NRG3: variants seen among roughly 807,000 people sequenced by gnomAD.
NRG3 encodes pro-neuregulin-3, membrane-bound isoform.
Under a neutral mutation model 66.9 loss-of-function variants are expected in NRG3, and 31 were observed. The ratio of observed to expected loss-of-function variants is 0.46; its 90% CI spans 0.35 to 0.63. The LOEUF is 0.63. Among genes scored for constraint, NRG3 ranks in the 20% least tolerant of loss-of-function variants. The probability of loss-of-function intolerance (pLI) is 0.00; values close to 1 mark genes in which losing one functional copy is unlikely to be tolerated. For missense variants in NRG3, 910 were observed against 878.9 expected, an observed-to-expected ratio of 1.04 and a Z score of -0.45; for synonymous variants, 393 against 359.4, an observed-to-expected ratio of 1.09 and a Z score of -1.06.
intron 5 of NRG3, among the ~76,000 whole-genome samples, chr10:82,957,562 C>A (rs1269137416): frequency 6.6e-6 from 1 of 151,874 alleles, no homozygotes; most frequent in African/African-American, 2.4e-5. Context: ...TAGGCAAATG[C>A]CTGATTACAA....
At chr10:82,864,985 C>CTTAAT (rs1399999515) in intron 3 of NRG3, among the ~76,000 whole-genome samples, 1 of 152,098 alleles carries the variant, frequency 6.6e-6, no homozygotes, top group Non-Finnish European at 1.5e-5. Flanking sequence ...AAATTCCTTG[C>CTTAAT]TTATTCACTT....
chr10:82,400,158 G>T (rs998111105), intron 2 of NRG3, among the ~76,000 whole-genome samples: 2 of 152,078 alleles, frequency 1.3e-5, no homozygotes, highest in Non-Finnish European at 2.9e-5. Context: ...GCAGTTCAGA[G>T]AATTTAAGTG....
intron 2 of NRG3, among the ~76,000 whole-genome samples, chr10:82,557,461 C>T (rs1275284632): frequency 1.3e-5 from 2 of 151,832 alleles, no homozygotes; most frequent in Non-Finnish European, 2.9e-5. Flanking sequence ...TTTTCATATC[C>T]TCTGCTCACT....
intron 2 of NRG3, among the ~76,000 whole-genome samples, chr10:82,473,807 C>T (rs901132802): frequency 3.4e-4 from 51 of 152,026 alleles, no homozygotes; most frequent in African/African-American, 1.2e-3. Context: ...CTAGATTTGA[C>T]CGCAGTCTGA....
chr10:82,363,261 A>G (rs985658330), intron 2 of NRG3, among the ~76,000 whole-genome samples: 2 of 152,222 alleles, frequency 1.3e-5, no homozygotes, highest in African/African-American at 4.8e-5. Flanking sequence ...CCTCACAGAG[A>G]AATGCAAATT....
intron 8 of NRG3, among the ~76,000 whole-genome samples, chr10:82,980,286 A>AT (rs2132659326): frequency 6.6e-6 from 1 of 152,326 alleles, no homozygotes; most frequent in South Asian, 2.1e-4. Flanking sequence ...TTTAAAAATT[A>AT]TGTGTGTAAA....
intron 3 of NRG3, among the ~76,000 whole-genome samples, chr10:82,754,876 A>G (rs2059017079): frequency 6.6e-6 from 1 of 152,154 alleles, no homozygotes; most frequent in South Asian, 2.1e-4. Flanking sequence ...ATATGTAAGG[A>G]GCATGAGCAG....
Position 82,058,885 on chromosome 10 carries a change from C to T in NRG3, c.823+182722C>T, listed in dbSNP as rs75701579. ...GCCATGGGAACGTATATAGGAGGTGCGTCTGACCTGGACAATACAATCAGG... is the reference window on the plus strand; with the variant it reads ...GCCATGGGAACGTATATAGGAGGTGTGTCTGACCTGGACAATACAATCAGG... On this transcript the variant is annotated intron_variant, in intron 1 of 8. Coordinates refer to ENST00000372141, the MANE Select transcript of NRG3 (RefSeq NM_001010848.4). Among the ~76,000 whole-genome samples the T allele has an allele frequency of 8.4e-3, 1,283 of 152,144 alleles. 11 individuals are homozygous for T. Among genetic ancestry groups the T allele is most frequent in the South Asian group, 0.019 (93 of 4,814 alleles).
chr10:82,739,472 A>G (rs186355488), intron 3 of NRG3, among the ~76,000 whole-genome samples: 19 of 152,344 alleles, frequency 1.2e-4, no homozygotes, highest in Admixed American at 9.1e-4. Flanking sequence ...AATATCATAC[A>G]TACGTAACAC....
intron 1 of NRG3, among the ~76,000 whole-genome samples, chr10:82,151,800 T>C (rs910963583): frequency 7.2e-5 from 11 of 152,192 alleles, no homozygotes; most frequent in Admixed American, 4.6e-4. Flanking sequence ...CATGGTAGCG[T>C]AGTGCTTCAG....
At chr10:82,624,805 T>C (rs1366397871) in intron 2 of NRG3, among the ~76,000 whole-genome samples, 5 of 147,834 alleles carry the variant, frequency 3.4e-5, no homozygotes, top group African/African-American at 1.2e-4. Context: ...GAAATATATG[T>C]AATAGAATGT....
chr10:82,529,495 G>A (rs1847049901), intron 2 of NRG3, among the ~76,000 whole-genome samples: 1 of 152,178 alleles, frequency 6.6e-6, no homozygotes, highest in South Asian at 2.1e-4. Context: ...TTATTGTATG[G>A]AATAAATCTA....
At chr10:82,375,409 T>C (rs1217237362) in intron 2 of NRG3, among the ~76,000 whole-genome samples, 2 of 151,850 alleles carry the variant, frequency 1.3e-5, no homozygotes, top group East Asian at 1.9e-4. Context: ...TGGTGGCAGG[T>C]GCCTGTAGTC....
chr10:81,884,776 G>A (rs1842481381), intron 1 of NRG3, among the ~76,000 whole-genome samples: 1 of 152,110 alleles, frequency 6.6e-6, no homozygotes, highest in African/African-American at 2.4e-5. Context: ...AATACCAAAG[G>A]ATGACTGTAC....
intron 2 of NRG3, among the ~76,000 whole-genome samples, chr10:82,557,174 C>T (rs147140243): frequency 7.9e-5 from 12 of 152,212 alleles, no homozygotes; most frequent in East Asian, 3.9e-4. Context: ...ATTACTAGTT[C>T]GAATGGTAGT....
intron 2 of NRG3, among the ~76,000 whole-genome samples, chr10:82,608,957 A>T (rs1222042326): frequency 1.3e-5 from 2 of 152,150 alleles, no homozygotes; most frequent in Non-Finnish European, 2.9e-5. Context: ...AGCCTTGAAT[A>T]ATTTGTCAAT....
chr10:81,958,980 T>G (rs1397001506), intron 1 of NRG3, among the ~76,000 whole-genome samples: 1 of 152,150 alleles, frequency 6.6e-6, no homozygotes, highest in Non-Finnish European at 1.5e-5. Flanking sequence ...TGGGAGTGAT[T>G]AGGAAATAAA....
intron 2 of NRG3, among the ~76,000 whole-genome samples, chr10:82,440,323 A>T (rs2090368385): frequency 6.8e-6 from 1 of 147,556 alleles, no homozygotes; most frequent in Admixed American, 6.7e-5. Flanking sequence ...TACTTCTCTC[A>T]TTTAAAAAAA....
At chr10:81,900,257 C>T (rs1018213705) in intron 1 of NRG3, among the ~76,000 whole-genome samples, 2 of 143,808 alleles carry the variant, frequency 1.4e-5, no homozygotes, top group Admixed American at 6.8e-5. Flanking sequence ...CGGTTTTTAA[C>T]GCACACTTCT....
Sources: allele counts gnomAD v4.1 joint callset (sites outside exome capture counted in the v4.1 genomes callset), GRCh38; gene constraint gnomAD v4.1.1; transcripts MANE v1.5; gene names NCBI Gene and HGNC (gene_info 2026-07-23, HGNC 2026-07-21).